Variants in PRUNE2 observed in about 807,000 individuals in gnomAD.
The protein encoded by PRUNE2 is prune homolog 2 with BCH domain.
A neutral mutation model predicts 252.0 loss-of-function variants in PRUNE2; 164 were observed. The ratio of observed to expected loss-of-function variants is 0.65; its 90% CI spans 0.57 to 0.74. The LOEUF (loss-of-function observed/expected upper bound fraction) is 0.74. PRUNE2 is among the 30% of genes least tolerant of loss of function. The pLI is 0.00. For missense variants in PRUNE2, 3,495 were observed against 3,711.0 expected, an observed-to-expected ratio of 0.94 and a Z score of 1.51; for synonymous variants, 1,292 against 1,350.2, an observed-to-expected ratio of 0.96 and a Z score of 0.94.
chr9:76,614,399 C>T lies in PRUNE2; in HGVS notation c.*171G>A. The T allele has an allele frequency of 1.6e-6, 1 of 637,504 alleles. No individual in the cohort carries two copies. Among genetic ancestry groups the T allele is most frequent in the Non-Finnish European group, 2.8e-6 (1 of 362,690 alleles). 39.5% of individuals were successfully genotyped at this position (637,504 alleles called of 1,614,324 possible). A position where few individuals can be genotyped will look rare whatever the true frequency, so the allele number is the denominator to read the frequency against. ...CAAAATAGGAAAGTACACACAATTT[C>T]ATAAAATATCTTAAGAGTAAACAAA... On this transcript the variant is annotated 3_prime_UTR_variant, in exon 19 of 19. Coordinates refer to ENST00000376718, the MANE Select transcript of PRUNE2 (RefSeq NM_015225.3).
rs142711742 is a variant in PRUNE2 at position 76,824,867 on chromosome 9, G to A, written c.662-1141C>T. 9.1e-4 allele frequency among the ~76,000 whole-genome samples: 138 copies of A among 152,282 alleles called. 1 individual carries two copies. The highest frequency in any genetic ancestry group is 3.4e-3 in the Middle Eastern group (1 of 294). On this transcript the variant is annotated intron_variant, in intron 5 of 18. Transcript: ENST00000376718. ...AAGCCACAATCTTTCACAATGCAGC[G>A]TAAAATGATTCATTGAAGACATTGT...
At chr9:76,835,763 T>C (rs1380170347) in intron 4 of PRUNE2, among the ~76,000 whole-genome samples, 1 of 152,170 alleles carries the variant, frequency 6.6e-6, no homozygotes, top group African/African-American at 2.4e-5. Context: ...AAAAAAAATA[T>C]CTGGCTCTGT....
rs116257546 is a variant in PRUNE2 at position 76,679,115 on chromosome 9, T to C, written c.8277-23613A>G. Among the ~76,000 whole-genome samples the C allele has an allele frequency of 3.9e-3, 595 of 152,316 alleles. 5 individuals carry two copies. The highest frequency in any genetic ancestry group is 0.014 in the African/African-American group (572 of 41,574). On this transcript the variant is annotated intron_variant, in intron 9 of 18. Transcript: ENST00000376718. ...GAATTTCTATATGCCTCAGTTTCCT[T>C]ATCTGTAAAATGCGAAAAGTAACAC...
At chr9:76,812,195 C>T (rs568105402) in intron 6 of PRUNE2, among the ~76,000 whole-genome samples, 1 of 152,324 alleles carries the variant, frequency 6.6e-6, no homozygotes, top group Admixed American at 6.5e-5. Flanking sequence ...GCTGGGAAGA[C>T]AGGGCTTCCA....
At chr9:76,678,850 A>T (rs1340315228) in intron 9 of PRUNE2, among the ~76,000 whole-genome samples, 1 of 151,716 alleles carries the variant, frequency 6.6e-6, no homozygotes, top group Non-Finnish European at 1.5e-5. Flanking sequence ...AATAAATAAA[A>T]ATAAATAAAT....
At chr9:76,798,861 G>C (rs532223112) in intron 6 of PRUNE2, among the ~76,000 whole-genome samples, 1 of 152,246 alleles carries the variant, frequency 6.6e-6, no homozygotes, top group Admixed American at 6.5e-5. Context: ...TGACTCTTCT[G>C]CATCCTGGAA....
chr9:76,870,810 A>C lies in PRUNE2; in HGVS notation c.37-16602T>G, dbSNP rs575750798. Among the ~76,000 whole-genome samples the C allele has an allele frequency of 6.5e-3, 982 of 152,244 alleles. 10 individuals are homozygous for C. The highest frequency in any genetic ancestry group is 0.022 in the African/African-American group (930 of 41,534). ...GGTTTGACATCATCATATCCCCATA[A>C]CTGAAGCAAATCCCCATAACTGAAG... On this transcript the variant is annotated intron_variant, in intron 1 of 18. Transcript: ENST00000376718.
Position 76,703,664 on chromosome 9 carries a change from T to A in PRUNE2, c.7949A>T (p.Asp2650Val). The A allele has an allele frequency of 6.2e-7, 1 of 1,612,586 alleles. No individual in the cohort carries two copies. Among genetic ancestry groups the A allele is most frequent in the Non-Finnish European group, 8.5e-7 (1 of 1,179,822 alleles). The stretch of plus-strand genomic sequence containing the variant: ...CTTGCCAGACCACCCAGGCCCTGAG[T>A]CCCTGGCATCCAGTGATGGATCACC... ...EVGDPSLDAR[D>V]SGPGWSGKTV... Residue 2650 changes from aspartate to valine, a missense_variant, in exon 9 of 19, where the codon GAC becomes GTC. Coordinates refer to ENST00000376718, the MANE Select transcript of PRUNE2 (RefSeq NM_015225.3).
In PRUNE2 at chr9:76,850,489, T is replaced by C. The variant is rs760623183; in HGVS notation, c.318A>G (p.Thr106=). 9.9e-5 allele frequency: 160 copies of C among 1,613,990 alleles called. No individual in the cohort carries two copies. The highest frequency in any genetic ancestry group is 1.3e-4 in the Non-Finnish European group (150 of 1,179,956). ...TCGCCAGCACACTGCTGCCAACAAGTGTTATCGATAACTTCCCTTCATCAT... is the reference window on the plus strand; with the variant it reads ...TCGCCAGCACACTGCTGCCAACAAGCGTTATCGATAACTTCCCTTCATCAT... ...QLNDEGKLSI[T]LVGSSVLASE... is the part of the protein sequence containing the mutation. Residue 106 remains threonine, a synonymous_variant, in exon 3 of 19, where the codon ACA becomes ACG. Transcript: ENST00000376718.
intron 4 of PRUNE2, among the ~76,000 whole-genome samples, chr9:76,830,045 A>C (rs556241160): frequency 6.6e-6 from 1 of 152,370 alleles, no homozygotes; most frequent in South Asian, 2.1e-4. Flanking sequence ...TAATCAAATG[A>C]AATTTTAAAA....
At chr9:76,756,518 A>G (rs540192847) in intron 6 of PRUNE2, among the ~76,000 whole-genome samples, 5 of 152,194 alleles carry the variant, frequency 3.3e-5, no homozygotes, top group Non-Finnish European at 5.9e-5. Context: ...CCATCCTAAC[A>G]TTTGAATGCT....
intron 6 of PRUNE2, among the ~76,000 whole-genome samples, chr9:76,730,672 C>A (rs906656646): frequency 6.6e-6 from 1 of 152,200 alleles, no homozygotes; most frequent in African/African-American, 2.4e-5. Flanking sequence ...GAGGCCAAGG[C>A]GGGCAGATCA....
chr9:76,697,495 G>A (rs926433525), intron 9 of PRUNE2, among the ~76,000 whole-genome samples: 4 of 152,164 alleles, frequency 2.6e-5, no homozygotes, highest in Admixed American at 6.5e-5. Context: ...GATCCACCGT[G>A]GGAGCAAATA....
rs138707224 is a variant in PRUNE2, at chr9:76,876,371, G to C, written c.37-22163C>G. Among the ~76,000 whole-genome samples, 389 of 152,298 alleles carry C rather than the reference G, an allele frequency of 2.6e-3. 7 individuals are homozygous for C. Among genetic ancestry groups the C allele is most frequent in the East Asian group, 1.7e-3 (9 of 5,174 alleles). On this transcript the variant is annotated intron_variant, in intron 1 of 18. Transcript: ENST00000376718. ...CATGACCCACAATGCTAGAGGCACT[G>C]AGGGTTCCTCCTGCTCACAATACTG...
chr9:76,768,788 A>G (rs1361338514), intron 6 of PRUNE2, among the ~76,000 whole-genome samples: 1 of 152,162 alleles, frequency 6.6e-6, no homozygotes, highest in African/African-American at 2.4e-5. Flanking sequence ...ATTTAATCAC[A>G]AATCACTGGA....
chr9:76,776,237 G>A (rs1371408108), intron 6 of PRUNE2, among the ~76,000 whole-genome samples: 4 of 152,150 alleles, frequency 2.6e-5, no homozygotes, highest in Non-Finnish European at 5.9e-5. Context: ...GCCATCACCT[G>A]AATAGCAGAC....
intron 18 of PRUNE2, among the ~76,000 whole-genome samples, chr9:76,618,101 T>C (rs1195450498): frequency 1.3e-5 from 2 of 152,170 alleles, no homozygotes; most frequent in African/African-American, 2.4e-5. Context: ...CTCTCTATGG[T>C]CTTTGTTCTT....
chr9:76,860,727 A>G (rs998859106), intron 1 of PRUNE2, among the ~76,000 whole-genome samples: 1 of 152,246 alleles, frequency 6.6e-6, no homozygotes, highest in African/African-American at 2.4e-5. Context: ...CACACACACT[A>G]AAGTGGGGGC....
intron 9 of PRUNE2, among the ~76,000 whole-genome samples, chr9:76,700,725 G>A (rs1030001195): frequency 1.3e-5 from 2 of 152,032 alleles, no homozygotes; most frequent in Non-Finnish European, 1.5e-5. Flanking sequence ...AGTATCATGG[G>A]CCCTGGGCAC....
Sources: allele counts gnomAD v4.1 joint callset (sites outside exome capture counted in the v4.1 genomes callset), GRCh38; gene constraint gnomAD v4.1.1; transcripts MANE v1.5; gene names NCBI Gene and HGNC (gene_info 2026-07-23, HGNC 2026-07-21).